Variants in CAMTA1 observed in about 807,000 individuals in gnomAD.
The protein encoded by CAMTA1 is calmodulin binding transcription activator 1.
In CAMTA1, 27 loss-of-function variants were observed where a neutral mutation model predicts 170.9. The observed-to-expected ratio is 0.16, with a 90% confidence interval of 0.12 to 0.22. The LOEUF (loss-of-function observed/expected upper bound fraction) is 0.22. Among genes scored for constraint, CAMTA1 ranks in the 10% least tolerant of loss-of-function variants. The pLI, the probability that CAMTA1 is intolerant of heterozygous loss-of-function variation, is 1.00. For synonymous variants in CAMTA1, 833 were observed against 891.5 expected, an observed-to-expected ratio of 0.93 and a Z score of 1.17; for missense variants, 1,619 against 2,217.2, an observed-to-expected ratio of 0.73 and a Z score of 5.42.
rs180996692 is a variant in CAMTA1, at chr1:7,422,574, T to C, written c.439-45256T>C. On this transcript the variant is annotated intron_variant, in intron 5 of 22. Coordinates refer to ENST00000303635, the MANE Select transcript of CAMTA1 (RefSeq NM_015215.4). The stretch of plus-strand genomic sequence containing the variant: ...GATGCCATGAGGATGATACATCTTT[T>C]AGACAATGGACTACAAATATTGAAA... Among the ~76,000 whole-genome samples the C allele has an allele frequency of 8.5e-5, 13 of 152,302 alleles. No homozygotes were observed. In the East Asian group the frequency reaches 1.9e-3, roughly 23 times the overall value.
intron 5 of CAMTA1, among the ~76,000 whole-genome samples, chr1:7,338,375 G>T (rs1314548176): frequency 6.6e-6 from 1 of 152,208 alleles, no homozygotes. Context: ...AAAGGGATTG[G>T]CCTAGTTCTG....
intron 1 of CAMTA1, among the ~76,000 whole-genome samples, chr1:6,791,434 G>T (rs1641074287): frequency 6.6e-6 from 1 of 152,052 alleles, no homozygotes; most frequent in African/African-American, 2.4e-5. Flanking sequence ...TAAAACACTG[G>T]GTCCTTTCTG....
Position 6,822,529 on chromosome 1 carries a change from G to A in CAMTA1, c.115+2279G>A, listed in dbSNP as rs141754353. Among the ~76,000 whole-genome samples the A allele has an allele frequency of 3.1e-4, 47 of 152,130 alleles. No individual in the cohort carries two copies. The Middle Eastern group carries it at 0.014, about 44-fold the overall frequency. On this transcript the variant is annotated intron_variant, in intron 2 of 22. Coordinates refer to ENST00000303635, the MANE Select transcript of CAMTA1 (RefSeq NM_015215.4). Reference sequence around the variant, plus strand: ...TAAAAACATCCAGTTTATATTCAGCGTGAACCTAAAATTCTGGAAATGGTA... The same window carrying A: ...TAAAAACATCCAGTTTATATTCAGCATGAACCTAAAATTCTGGAAATGGTA...
chr1:7,189,777 TA>T (rs1654167395), intron 4 of CAMTA1, among the ~76,000 whole-genome samples: 1 of 152,232 alleles, frequency 6.6e-6, no homozygotes, highest in Non-Finnish European at 1.5e-5. Context: ...GCAGTCCCAC[TA>T]CTGGGTATCT....
intron 6 of CAMTA1, among the ~76,000 whole-genome samples, chr1:7,517,559 CT>C (rs35521226): frequency 0.57 from 86,335 of 151,718 alleles, 25,190 homozygotes; most frequent in Non-Finnish European, 0.62. Flanking sequence ...TATATATCAT[CT>C]CTTTAATGTT....
At chr1:7,603,316 C>G (rs1285927962) in intron 6 of CAMTA1, among the ~76,000 whole-genome samples, 1 of 152,168 alleles carries the variant, frequency 6.6e-6, no homozygotes, top group Non-Finnish European at 1.5e-5. Context: ...GTGTGGGAGT[C>G]TAAGTCTCTT....
Position 7,059,267 on chromosome 1 carries a change from CAAG to C in CAMTA1, c.235-32036_235-32034del, listed in dbSNP as rs540917479. Among the ~76,000 whole-genome samples the C allele has an allele frequency of 5.5e-3, 843 of 152,212 alleles. 3 individuals carry two copies. Among genetic ancestry groups the C allele is most frequent in the Non-Finnish European group, 9.9e-3 (673 of 68,012 alleles). On this transcript the variant is annotated intron_variant, in intron 3 of 22. Coordinates refer to ENST00000303635, the MANE Select transcript of CAMTA1 (RefSeq NM_015215.4). ...GAATGGTTCATTAAAATAATTTTGTCAAGGAGGTGGTGGGTGGAAGAGGTGGGG... is the reference window on the plus strand; with the variant it reads ...GAATGGTTCATTAAAATAATTTTGTCGAGGTGGTGGGTGGAAGAGGTGGGG...
chr1:7,737,824 A>C, intron 15 of CAMTA1, 135 bp from the exon 16 acceptor site: 1 of 878,572 alleles, frequency 1.1e-6, no homozygotes, highest in South Asian at 1.7e-5. Context: ...GCTACTGGGG[A>C]TATTTAAATG....
rs1557972603 is a variant in CAMTA1, at chr1:7,594,142, G to GAAAGAAAGAAAGAAAGAAAGAAA, written c.511-46258_511-46257insAAAGAAAGAAAGAAAGAAAGAAA. Among the ~76,000 whole-genome samples, 170 of 125,562 alleles carry GAAAGAAAGAAAGAAAGAAAGAAA rather than the reference G, an allele frequency of 1.4e-3. 5 individuals are homozygous for GAAAGAAAGAAAGAAAGAAAGAAA. Among genetic ancestry groups the GAAAGAAAGAAAGAAAGAAAGAAA allele is most frequent in the African/African-American group, 6.3e-3 (166 of 26,552 alleles). The allele number at this position is 125,562 out of a possible 152,430, so 82.4% of individuals were successfully genotyped here. ...GAGAAAGAAAGAAAGAAAGAAAGAAGGAAGGAAGGAAAGAAGGAAGGAGAA... is the reference window on the plus strand; with the variant it reads ...GAGAAAGAAAGAAAGAAAGAAAGAAGAAAGAAAGAAAGAAAGAAAGAAAGAAGGAAGGAAAGAAGGAAGGAGAA... On this transcript the variant is annotated intron_variant, in intron 6 of 22. Transcript: ENST00000303635.
chr1:7,476,357 A>G (rs1440723281), intron 6 of CAMTA1, among the ~76,000 whole-genome samples: 1 of 152,178 alleles, frequency 6.6e-6, no homozygotes, highest in Non-Finnish European at 1.5e-5. Context: ...GCTGGTCAAG[A>G]CGGTGGATCC....
rs988410628 is a variant in CAMTA1, at chr1:7,739,940, C to T, written c.4182+1458C>T. On this transcript the variant is annotated intron_variant, in intron 16 of 22. Transcript: ENST00000303635. Reference sequence around the variant, plus strand: ...AGGACAGCCAAACCATATCACCTACCGACCACTGCAGTTTCCCTACCACAA... The same window carrying T: ...AGGACAGCCAAACCATATCACCTACTGACCACTGCAGTTTCCCTACCACAA... Among the ~76,000 whole-genome samples, 4 of 149,656 alleles carry T rather than the reference C, an allele frequency of 2.7e-5. 1 individual carries two copies. The highest frequency in any genetic ancestry group is 7.4e-5 in the African/African-American group (3 of 40,470).
Position 7,173,387 on chromosome 1 carries a change from A to G in CAMTA1, c.303-76104A>G, listed in dbSNP as rs886099795. Among the ~76,000 whole-genome samples the G allele has an allele frequency of 6.6e-6, 1 of 152,010 alleles. No individual in the cohort carries two copies. The highest frequency in any genetic ancestry group is 1.5e-5 in the Non-Finnish European group (1 of 67,998). On this transcript the variant is annotated intron_variant, in intron 4 of 22. Transcript: ENST00000303635. The surrounding 1 kb of genome is among the most constrained non-coding windows in gnomAD (Gnocchi z 5.4). ...TTTTTGTGGAACTGTGGGAACACAC[A>G]GTTTAATTTTTTTTTTTAAGACTGA...
chr1:7,631,804 C>A (rs918948818), intron 6 of CAMTA1, among the ~76,000 whole-genome samples: 1 of 152,208 alleles, frequency 6.6e-6, no homozygotes, highest in African/African-American at 2.4e-5. Context: ...TGGCTACCCT[C>A]AGTGGGTGAC....
intron 5 of CAMTA1, among the ~76,000 whole-genome samples, chr1:7,283,952 T>G (rs549807107): frequency 2.6e-5 from 4 of 152,274 alleles, no homozygotes; most frequent in African/African-American, 9.6e-5. Flanking sequence ...GGTTAGGAAC[T>G]AGGCATCTGG....
intron 4 of CAMTA1, among the ~76,000 whole-genome samples, chr1:7,214,129 T>G (rs558879665): frequency 1.2e-3 from 179 of 152,292 alleles, no homozygotes; most frequent in African/African-American, 4.1e-3. Context: ...TACCCAGCAA[T>G]GGGATGGGTG....
chr1:7,163,342 C>T (rs1464445823), intron 4 of CAMTA1, among the ~76,000 whole-genome samples: 21 of 88,904 alleles, frequency 2.4e-4, no homozygotes, highest in Non-Finnish European at 4.3e-4. Flanking sequence ...AGCGGGAGGC[C>T]GGGGGGTGGG....
chr1:7,233,137 C>T (rs1663155475), intron 4 of CAMTA1, among the ~76,000 whole-genome samples: 1 of 152,220 alleles, frequency 6.6e-6, no homozygotes, highest in Admixed American at 6.5e-5. Flanking sequence ...CAGACCGTCA[C>T]ATTGAGATGT....
At chr1:7,131,732 A>G (rs1029321323) in intron 4 of CAMTA1, among the ~76,000 whole-genome samples, 1 of 152,060 alleles carries the variant, frequency 6.6e-6, no homozygotes, top group African/African-American at 2.4e-5. Context: ...ATATAGCTTT[A>G]CAACATGTAT....
chr1:6,909,917 C>T (rs955815967), intron 3 of CAMTA1, among the ~76,000 whole-genome samples: 23 of 152,360 alleles, frequency 1.5e-4, no homozygotes, highest in African/African-American at 5.3e-4. Context: ...GTTTTCCTGC[C>T]TCTGCATGTA....
Sources: gnomAD v4.1 joint callset for allele counts (sites outside exome capture counted in the v4.1 genomes callset) on GRCh38, gnomAD v4.1.1 for gene constraint, Gnocchi (gnomAD v3.1) non-coding constraint, MANE v1.5 for transcripts, NCBI Gene and HGNC (gene_info 2026-07-23, HGNC 2026-07-21) for gene names.